Variants in CMTM8 observed in about 807,000 individuals in gnomAD.
CMTM8 encodes the protein CKLF-like MARVEL transmembrane domain-containing protein 8.
A neutral mutation model predicts 18.6 loss-of-function variants in CMTM8; 12 were observed. The ratio of observed to expected loss-of-function variants is 0.65; its 90% confidence interval spans 0.41 to 1.05. CMTM8 has a LOEUF of 1.05. Ranked by LOEUF, CMTM8 falls within the 50% of genes least tolerant of loss-of-function variation. The pLI is 0.00. For synonymous variants in CMTM8, 87 were observed against 90.6 expected (o/e 0.96, Z 0.23); for missense variants, 217 against 227.2 (o/e 0.95, Z 0.29).
At chr3:32,323,802 A>T (rs932552864) in intron 1 of CMTM8, among the ~76,000 whole-genome samples, 1 of 152,246 alleles carries the variant, frequency 6.6e-6, no homozygotes, top group African/African-American at 2.4e-5. Context: ...CAAGTTGCCA[A>T]AGCGTTTCTC....
At chr3:32,255,956 C>T (rs767028789) in intron 1 of CMTM8, among the ~76,000 whole-genome samples, 2 of 152,186 alleles carry the variant, frequency 1.3e-5, no homozygotes, top group South Asian at 2.1e-4. Flanking sequence ...TCAAACTCCT[C>T]GGCTCAAGCA....
chr3:32,352,908 T>C (rs1696740688), intron 1 of CMTM8, among the ~76,000 whole-genome samples: 2 of 152,014 alleles, frequency 1.3e-5, no homozygotes, highest in Non-Finnish European at 2.9e-5. Context: ...TTTTAGCCAT[T>C]TAAAACATAG....
chr3:32,341,416 A>G (rs548276183), intron 1 of CMTM8, among the ~76,000 whole-genome samples: 3 of 152,278 alleles, frequency 2.0e-5, no homozygotes, highest in South Asian at 2.1e-4. Flanking sequence ...TGGTCTGCCA[A>G]ACTGCTCTTT....
At chr3:32,362,046 C>CTTTTTT (rs60064096) in intron 2 of CMTM8, among the ~76,000 whole-genome samples, 5 of 92,066 alleles carry the variant, frequency 5.4e-5, no homozygotes, top group Non-Finnish European at 8.3e-5. Context: ...ATTTTCTTTT[C>CTTTTTT]TTTTTTTTTT....
intron 2 of CMTM8, among the ~76,000 whole-genome samples, chr3:32,362,091 A>G (rs1185040002): frequency 1.1e-5 from 1 of 91,372 alleles, no homozygotes; most frequent in African/African-American, 4.0e-5. Flanking sequence ...CCCAGGCTGG[A>G]GTATAGTGGT....
chr3:32,273,347 C>CACAT (rs775239613), intron 1 of CMTM8, among the ~76,000 whole-genome samples: 26 of 151,628 alleles, frequency 1.7e-4, no homozygotes, highest in Non-Finnish European at 1.0e-4. Flanking sequence ...CACACACACA[C>CACAT]ATATATATAT....
At chr3:32,368,170 A>C (rs1697079735) in intron 3 of CMTM8, among the ~76,000 whole-genome samples, 182 bp downstream of exon 3, 1 of 152,216 alleles carries the variant, frequency 6.6e-6, no homozygotes, top group Non-Finnish European at 1.5e-5. Flanking sequence ...CCTGGCCCGA[A>C]GTGGGAAAAG....
chr3:32,282,187 A>G (rs149345414), intron 1 of CMTM8, among the ~76,000 whole-genome samples: 28 of 152,324 alleles, frequency 1.8e-4, no homozygotes, highest in African/African-American at 6.5e-4. Flanking sequence ...AAACATATTA[A>G]AAGAACCCAT....
chr3:32,297,815 G>C (rs1197634712), intron 1 of CMTM8, among the ~76,000 whole-genome samples: 1 of 151,966 alleles, frequency 6.6e-6, no homozygotes, highest in Non-Finnish European at 1.5e-5. Context: ...CAGGTCTGTG[G>C]GTGGGAAAAT....
chr3:32,335,907 A>T (rs1190437281), intron 1 of CMTM8, among the ~76,000 whole-genome samples: 1 of 152,112 alleles, frequency 6.6e-6, no homozygotes, highest in Admixed American at 6.5e-5. Flanking sequence ...TACTTCCTGC[A>T]CTCAGAGGCA....
intron 1 of CMTM8, among the ~76,000 whole-genome samples, chr3:32,344,240 A>G (rs979633911): frequency 2.0e-5 from 3 of 152,198 alleles, no homozygotes; most frequent in African/African-American, 7.2e-5. Flanking sequence ...GAACAATGCA[A>G]ATCCCCTGAG....
rs61540438 is a variant in CMTM8 at position 32,298,059 on chromosome 3, CTT to C, written c.147+58954_147+58955del. Among the ~76,000 whole-genome samples the C allele has an allele frequency of 3.7e-4, 52 of 138,732 alleles. 1 individual carries two copies. The highest frequency in any genetic ancestry group is 6.3e-4 in the African/African-American group (24 of 38,142). The allele number at this position is 138,732 out of a possible 152,430, so 91.0% of individuals were successfully genotyped here. ...AGCTCTCTAATCTCTTAACTAAAAA[CTT>C]TTTTTTTTTTTTTGGTTGGGGGTGG... On this transcript the variant is annotated intron_variant, in intron 1 of 3. Transcript: ENST00000307526.
chr3:32,331,306 C>T (rs1015777489), intron 1 of CMTM8, among the ~76,000 whole-genome samples: 2 of 152,076 alleles, frequency 1.3e-5, no homozygotes, highest in African/African-American at 4.8e-5. Flanking sequence ...ATCAAATAAA[C>T]AGAAAATAAC....
intron 1 of CMTM8, among the ~76,000 whole-genome samples, chr3:32,350,768 C>G (rs372527816): frequency 6.6e-6 from 1 of 152,114 alleles, no homozygotes; most frequent in African/African-American, 2.4e-5. Flanking sequence ...CGTGATCCAG[C>G]CGCCTCAGCC....
In CMTM8 at chr3:32,368,202, A is replaced by ATGCCAACCCC. The variant is rs1283274209; in HGVS notation, c.438+218_438+219insAACCCCTGCC. 4.6e-5 allele frequency among the ~76,000 whole-genome samples: 7 copies of ATGCCAACCCC among 152,232 alleles called. 1 individual carries two copies. The East Asian group carries it at 1.3e-3, about 29-fold the overall frequency. On this transcript the variant is annotated intron_variant, in intron 3 of 3. Transcript: ENST00000307526. ...AAAGGCTGGGAGACTGCTTGAGTGA[A>ATGCCAACCCC]TGCCGAATGACTGGAACAAGATAAG...
chr3:32,346,587 A>G (rs1458630083), intron 1 of CMTM8, among the ~76,000 whole-genome samples: 1 of 143,538 alleles, frequency 7.0e-6, no homozygotes, highest in African/African-American at 2.6e-5. Context: ...GGTGCATATC[A>G]GTGGAGAAAG....
At chr3:32,249,148 G>A (rs1702082578) in intron 1 of CMTM8, among the ~76,000 whole-genome samples, 1 of 148,310 alleles carries the variant, frequency 6.7e-6, no homozygotes, top group African/African-American at 2.5e-5. Flanking sequence ...TATTGAAGTG[G>A]CTCAGTGTCG....
intron 1 of CMTM8, among the ~76,000 whole-genome samples, chr3:32,262,075 G>A (rs1702266802): frequency 6.6e-6 from 1 of 152,114 alleles, no homozygotes. Context: ...CCATCAGAAG[G>A]AAGACGAGGA....
chr3:32,367,524 C>G (rs1043811144), intron 2 of CMTM8, among the ~76,000 whole-genome samples: 1 of 152,166 alleles, frequency 6.6e-6, no homozygotes, highest in African/African-American at 2.4e-5. Context: ...TGAGGCTGAG[C>G]CCACCGAGTG....
Sources: gnomAD v4.1 joint callset for allele counts (sites outside exome capture counted in the v4.1 genomes callset) on GRCh38, gnomAD v4.1.1 for gene constraint, MANE v1.5 for transcripts, NCBI Gene and HGNC (gene_info 2026-07-23, HGNC 2026-07-21) for gene names.